Variants in TEX36 observed in about 807,000 individuals in gnomAD.
TEX36 encodes testis expressed 36.
A neutral mutation model predicts 13.6 loss-of-function variants in TEX36; 12 were observed. The observed-to-expected ratio is 0.88, with a 90% confidence interval of 0.56 to 1.43. The LOEUF (loss-of-function observed/expected upper bound fraction) is 1.43. Among genes scored for constraint, TEX36 ranks in the 40% most tolerant of loss-of-function variants. TEX36 has a pLI of 0.00. For synonymous variants in TEX36, 93 were observed against 83.0 expected (o/e 1.12, Z -0.65); for missense variants, 224 against 228.3 (o/e 0.98, Z 0.12).
intron 1 of TEX36, chr10:125,667,314 C>T: frequency 3.1e-6 from 2 of 637,684 alleles, no homozygotes; most frequent in Middle Eastern, 2.7e-4. Context: ...GCCTTGTAGA[C>T]AGCAGTCAGC....
rs925430901 is a variant in TEX36, at chr10:125,584,076, CA to C, written c.265-7203del. Reference sequence around the variant, plus strand: ...TCCTCTTCGAGCTGCTGCCACTATGCAAAAAAGGTCCCACCTGGCACTGTGG... The same window carrying C: ...TCCTCTTCGAGCTGCTGCCACTATGCAAAAAGGTCCCACCTGGCACTGTGG... On this transcript the variant is annotated intron_variant, in intron 3 of 3. Transcript: ENST00000532135. 3.7e-4 allele frequency among the ~76,000 whole-genome samples: 57 copies of C among 152,278 alleles called. 1 individual carries two copies. Among genetic ancestry groups the C allele is most frequent in the African/African-American group, 1.3e-3 (54 of 41,568 alleles).
At chr10:125,659,257 A>C (rs1846992065) in intron 3 of TEX36, among the ~76,000 whole-genome samples, 1 of 152,198 alleles carries the variant, frequency 6.6e-6, no homozygotes, top group Non-Finnish European at 1.5e-5. Context: ...GAAAGTTGGA[A>C]AGCTTCCAAG....
At chr10:125,679,970 G>A (rs1253920554) in intron 1 of TEX36, among the ~76,000 whole-genome samples, 2 of 152,170 alleles carry the variant, frequency 1.3e-5, no homozygotes, top group East Asian at 3.8e-4. Flanking sequence ...CTATGCCTGT[G>A]AGAAGACTTA....
chr10:125,597,028 C>T (rs898183189), intron 3 of TEX36, among the ~76,000 whole-genome samples: 1 of 152,214 alleles, frequency 6.6e-6, no homozygotes, highest in Non-Finnish European at 1.5e-5. Context: ...ACAGCTGGCA[C>T]CTATGAACTG....
downstream of TEX36, among the ~76,000 whole-genome samples, chr10:125,651,452 C>T (rs1846856035): frequency 6.6e-6 from 1 of 152,188 alleles, no homozygotes; most frequent in South Asian, 2.1e-4. Context: ...AACAGCCCTT[C>T]ATGCTAAAAA....
At chr10:125,613,931 C>T (rs533114432) in intron 3 of TEX36, among the ~76,000 whole-genome samples, 16 of 152,218 alleles carry the variant, frequency 1.1e-4, no homozygotes, top group Non-Finnish European at 1.9e-4. Context: ...TCCACATCCT[C>T]TCCAACACCT....
At chr10:125,667,597 C>T (rs1847144251) in intron 1 of TEX36, 11 of 734,234 alleles carry the variant, frequency 1.5e-5, no homozygotes, top group Non-Finnish European at 2.6e-5. Flanking sequence ...CGCCATTTGT[C>T]CCTGCAAGGG....
At chr10:125,643,762 C>T (rs183972832) in intron 3 of TEX36, among the ~76,000 whole-genome samples, 2,672 of 150,078 alleles carry the variant, frequency 0.018, 93 homozygotes, top group African/African-American at 0.063. Flanking sequence ...AAAAAAAATA[C>T]AAAAATTAGC....
chr10:125,641,096 T>C (rs1198411221), intron 3 of TEX36, among the ~76,000 whole-genome samples: 2 of 152,168 alleles, frequency 1.3e-5, no homozygotes, highest in African/African-American at 4.8e-5. Context: ...TGAACTTTGA[T>C]TGGAGCTGCA....
chr10:125,625,506 G>T (rs1028155196), intron 3 of TEX36, among the ~76,000 whole-genome samples: 1 of 152,198 alleles, frequency 6.6e-6, no homozygotes, highest in Non-Finnish European at 1.5e-5. Flanking sequence ...CCATCTGGGG[G>T]TTGGCAGAAT....
At chr10:125,590,849 A>G (rs1846013014) in intron 3 of TEX36, among the ~76,000 whole-genome samples, 1 of 152,216 alleles carries the variant, frequency 6.6e-6, no homozygotes, top group Non-Finnish European at 1.5e-5. Flanking sequence ...ATATAGATAT[A>G]TTGATATATA....
intron 1 of TEX36, chr10:125,667,850 TC>T: frequency 6.6e-7 from 1 of 1,509,170 alleles, no homozygotes; most frequent in Non-Finnish European, 9.2e-7. Context: ...AGTGGACTCA[TC>T]TGCAGCCAGG....
chr10:125,640,837 A>T (rs1019798935), intron 3 of TEX36, among the ~76,000 whole-genome samples: 1 of 152,208 alleles, frequency 6.6e-6, no homozygotes, highest in African/African-American at 2.4e-5. Flanking sequence ...GAGAAAATTG[A>T]TTCTTCTTGC....
chr10:125,671,986 T>A (rs1321359061), intron 1 of TEX36, among the ~76,000 whole-genome samples: 1 of 152,202 alleles, frequency 6.6e-6, no homozygotes, highest in Admixed American at 6.5e-5. Context: ...ATCCCCTTTA[T>A]CATTTTTCAT....
At chr10:125,631,390 G>T (rs575782600) in intron 3 of TEX36, among the ~76,000 whole-genome samples, 2 of 152,312 alleles carry the variant, frequency 1.3e-5, no homozygotes, top group South Asian at 4.1e-4. Context: ...CACACCTTCG[G>T]GGTGGGCCTC....
chr10:125,665,157 T>G (rs1847103665), intron 1 of TEX36, among the ~76,000 whole-genome samples: 1 of 152,242 alleles, frequency 6.6e-6, no homozygotes, highest in South Asian at 2.1e-4. Flanking sequence ...CCCTGTCAGA[T>G]GAATGGTTTG....
At chr10:125,590,420 TTC>T (rs1846008512) in intron 3 of TEX36, among the ~76,000 whole-genome samples, 1 of 152,138 alleles carries the variant, frequency 6.6e-6, no homozygotes, top group Non-Finnish European at 1.5e-5. Flanking sequence ...CTGGCCCTCC[TTC>T]TCTTTTATTT....
chr10:125,682,218 G>A (rs1048744885), intron 1 of TEX36, among the ~76,000 whole-genome samples: 1 of 152,166 alleles, frequency 6.6e-6, no homozygotes. Context: ...GTGCTTGGCC[G>A]ACAAGGCTAA....
chr10:125,578,384 G>T (rs1467318693), intron 3 of TEX36: 1 of 152,246 alleles, frequency 6.6e-6, no homozygotes, highest in East Asian at 1.9e-4. Context: ...ATTGAGTAGA[G>T]CTTGTTTGCT....
Sources: gnomAD v4.1 joint callset for allele counts (sites outside exome capture counted in the v4.1 genomes callset) on GRCh38, gnomAD v4.1.1 for gene constraint, MANE v1.5 for transcripts, NCBI Gene and HGNC (gene_info 2026-07-23, HGNC 2026-07-21) for gene names.